The following UBAP2 variants were observed in gnomAD, a reference collection of about 807,000 sequenced individuals.
UBAP2 encodes the protein ubiquitin associated protein 2, also known as ubiquitin-associated protein 2.
Under a neutral mutation model 139.6 loss-of-function variants are expected in UBAP2, and 75 were observed. The observed-to-expected ratio is 0.54, with a 90% CI of 0.45 to 0.65. The LOEUF (loss-of-function observed/expected upper bound fraction) is 0.65. Among genes scored for constraint, UBAP2 ranks in the 30% least tolerant of loss-of-function variants. UBAP2 has a pLI of 0.00. For synonymous variants in UBAP2, 526 were observed against 526.2 expected, an observed-to-expected ratio of 1.00 and a Z score of 0.01; for missense variants, 1,368 against 1,369.6, an observed-to-expected ratio of 1.00 and a Z score of 0.02.
chr9:34,028,785 TTCTC>T (rs1198929208), intron 1 of UBAP2, among the ~76,000 whole-genome samples: 1 of 151,580 alleles, frequency 6.6e-6, no homozygotes, highest in Admixed American at 6.6e-5. Flanking sequence ...CTTATAACAG[TTCTC>T]TCTCTCCTAC....
Position 34,030,827 on chromosome 9 carries a change from G to A in UBAP2, c.-41-13638C>T, listed in dbSNP as rs1323578765. 2.0e-5 allele frequency among the ~76,000 whole-genome samples: 3 copies of A among 151,874 alleles called. No homozygotes were observed. In the East Asian group the frequency reaches 5.8e-4, roughly 30 times the overall value. On this transcript the variant is annotated intron_variant, in intron 1 of 28. Transcript: ENST00000379238. Reference sequence around the variant, plus strand: ...CGCCTGTAGTCCCAACAACCCAGAAGGCTGAGGCAGGAGAATGGCATGAAC... The same window carrying A: ...CGCCTGTAGTCCCAACAACCCAGAAAGCTGAGGCAGGAGAATGGCATGAAC...
intron 6 of UBAP2, among the ~76,000 whole-genome samples, chr9:33,981,082 TATATATATATATATATTCTGG>T (rs1820637823): frequency 9.1e-5 from 2 of 22,012 alleles, no homozygotes; most frequent in Non-Finnish European, 2.0e-4. Context: ...TATATATATA[TATATATATATATATATTCTGG>T]ATATATATAT....
chr9:33,977,107 C>T (rs1820199439), intron 6 of UBAP2, among the ~76,000 whole-genome samples: 2 of 149,318 alleles, frequency 1.3e-5, no homozygotes, highest in South Asian at 2.1e-4. Flanking sequence ...GGCGCCACCT[C>T]GGCTCACTGC....
intron 8 of UBAP2, chr9:33,968,483 T>C (rs765423187): frequency 2.0e-5 from 11 of 543,846 alleles, no homozygotes; most frequent in African/African-American, 5.7e-5. Flanking sequence ...GTTGGGACAT[T>C]TGAGCACTAA....
At chr9:34,041,523 C>T (rs944092105) in intron 1 of UBAP2, among the ~76,000 whole-genome samples, 47 of 150,064 alleles carry the variant, frequency 3.1e-4, no homozygotes, top group African/African-American at 1.1e-3. Context: ...ATGGTGAAAC[C>T]CCGTCTCTAC....
intron 6 of UBAP2, 113 bp downstream of exon 6, chr9:33,986,647 T>C (rs1161819931): frequency 1.3e-5 from 11 of 876,362 alleles, no homozygotes; most frequent in Non-Finnish European, 1.9e-5. Context: ...AGATTTTAGA[T>C]GACCTGCTAT....
chr9:33,995,958 T>C (rs1000420961), intron 4 of UBAP2: 5 of 320,630 alleles, frequency 1.6e-5, no homozygotes, highest in Non-Finnish European at 2.3e-5. Context: ...GGTGAAAATA[T>C]ACACAGGCAC....
At chr9:33,927,197 C>T (rs532242559) in intron 20 of UBAP2, 117 bp from the exon 21 acceptor site, 51 of 726,624 alleles carry the variant, frequency 7.0e-5, no homozygotes, top group Admixed American at 3.2e-4. Context: ...CAAAGAAGGG[C>T]AGTGGCCGAA....
At position 33,924,268 on chromosome 9, in the gene UBAP2, G is replaced by A. The variant is rs757151465; in HGVS notation, c.2528C>T (p.Pro843Leu). The change falls in exon 23 of 29, where the codon CCC becomes CTC. Residue 843 changes from proline (P) to leucine (L), a missense_variant. Transcript: ENST00000379238. ...SRLPVDYYGIPFAAPTALASR... is the reference protein window; with the variant it reads ...SRLPVDYYGILFAAPTALASR... ...GGCAAGCGCTGTGGGTGCAGCAAAGGGAATTCCATAGTAGTCCTAGGAGAG... is the reference window on the plus strand; with the variant it reads ...GGCAAGCGCTGTGGGTGCAGCAAAGAGAATTCCATAGTAGTCCTAGGAGAG... 3 of 1,614,056 alleles carry A rather than the reference G, an allele frequency of 1.9e-6. No individual in the cohort carries two copies. The highest frequency in any genetic ancestry group is 2.2e-5 in the South Asian group (2 of 91,090).
At chr9:33,947,799 T>C (rs1825760627) in intron 13 of UBAP2, among the ~76,000 whole-genome samples, 1 of 150,400 alleles carries the variant, frequency 6.6e-6, no homozygotes, top group African/African-American at 2.5e-5. Flanking sequence ...TACTCCAGCC[T>C]GTGCAACAGA....
chr9:34,036,628 T>C (rs1826397207), intron 1 of UBAP2, among the ~76,000 whole-genome samples: 1 of 152,300 alleles, frequency 6.6e-6, no homozygotes, highest in East Asian at 1.9e-4. Context: ...ATTATTCATC[T>C]GTATTCTAGC....
At chr9:33,995,217 C>G (rs1162081316) in intron 4 of UBAP2, 2 of 151,128 alleles carry the variant, frequency 1.3e-5, no homozygotes, top group Non-Finnish European at 2.9e-5. Context: ...ATTAGCTGGT[C>G]GTGGTGGCGC....
chr9:34,019,034 G>C (rs1167767545), intron 1 of UBAP2, among the ~76,000 whole-genome samples: 1 of 152,128 alleles, frequency 6.6e-6, no homozygotes, highest in Non-Finnish European at 1.5e-5. Flanking sequence ...AAGAAGGGAA[G>C]ATATTCTAAC....
chr9:33,931,483 G>A lies in UBAP2; in HGVS notation c.2175+1079C>T, dbSNP rs183344547. ...CTGGGCTCCCAGGCAGCAGTGGCAC[G>A]GACACAGAGGACAGCTCCACGGCAC... On this transcript the variant is annotated intron_variant, in intron 19 of 28. Coordinates refer to ENST00000379238, the MANE Select transcript of UBAP2 (RefSeq NM_001370062.2). 7.2e-5 allele frequency among the ~76,000 whole-genome samples: 11 copies of A among 152,226 alleles called. No homozygotes were observed. In the East Asian group the frequency reaches 1.5e-3, roughly 21 times the overall value.
chr9:33,948,887 C>T (rs868076655), intron 12 of UBAP2: 18 of 277,790 alleles, frequency 6.5e-5, no homozygotes, highest in African/African-American at 2.6e-4. Flanking sequence ...CGGTGGCTCA[C>T]GCCTGTAATC....
chr9:33,988,325 C>A (rs899527473), intron 5 of UBAP2, among the ~76,000 whole-genome samples: 36 of 152,078 alleles, frequency 2.4e-4, no homozygotes, highest in Admixed American at 2.4e-3. Context: ...CAGCAAGAGT[C>A]TCAGGGTGAT....
chr9:33,954,694 A>C (rs1826404266), intron 11 of UBAP2, among the ~76,000 whole-genome samples: 1 of 152,116 alleles, frequency 6.6e-6, no homozygotes, highest in Non-Finnish European at 1.5e-5. Flanking sequence ...GAATTTCATG[A>C]CAATGATCCC....
chr9:33,931,589 T>C (rs892887262), intron 19 of UBAP2, among the ~76,000 whole-genome samples: 6 of 152,148 alleles, frequency 3.9e-5, no homozygotes, highest in Non-Finnish European at 8.8e-5. Context: ...CACACTATGC[T>C]CTCCTTTGAA....
At chr9:34,018,417 T>A (rs1051689888) in intron 1 of UBAP2, among the ~76,000 whole-genome samples, 34 of 151,304 alleles carry the variant, frequency 2.2e-4, no homozygotes, top group Non-Finnish European at 4.6e-4. Flanking sequence ...GAATTTAAAG[T>A]GGTACAACCA....
Sources: allele counts gnomAD v4.1 joint callset (sites outside exome capture counted in the v4.1 genomes callset), GRCh38; gene constraint gnomAD v4.1.1; transcripts MANE v1.5; gene names NCBI Gene and HGNC (gene_info 2026-07-23, HGNC 2026-07-21).